LARGE1: variants seen among roughly 807,000 people sequenced by gnomAD.
LARGE1 encodes xylosyl- and glucuronyltransferase LARGE1.
A neutral mutation model predicts 87.6 loss-of-function variants in LARGE1; 43 were observed. That is an observed-to-expected ratio of 0.49 (90% CI 0.38 to 0.63). The LOEUF (loss-of-function observed/expected upper bound fraction) is 0.63. Ranked by LOEUF, LARGE1 falls within the 30% of genes least tolerant of loss-of-function variation. The probability of loss-of-function intolerance (pLI) is 0.00; values close to 1 mark genes in which losing one functional copy is unlikely to be tolerated. For missense variants in LARGE1, 802 were observed against 1,000.2 expected (o/e 0.80, Z 2.67); for synonymous variants, 434 against 394.6 (o/e 1.10, Z -1.18).
chr22:33,556,774 G>A (rs1218186768), intron 6 of LARGE1, among the ~76,000 whole-genome samples: 1 of 151,974 alleles, frequency 6.6e-6, no homozygotes, highest in Non-Finnish European at 1.5e-5. Context: ...TTGGGAGGCA[G>A]AGGTGGGCAG....
At chr22:33,704,538 C>T (rs240085) in intron 2 of LARGE1, among the ~76,000 whole-genome samples, 144,441 of 152,214 alleles carry the variant, frequency 0.95, 68,611 homozygotes, top group African/African-American at 0.99. Context: ...GGGAGCCTCT[C>T]GCAACTGAGC....
At position 33,444,630 on chromosome 22, in the gene LARGE1, G is replaced by T. The variant is rs570885854; in HGVS notation, c.788-12365C>A. ...AGAATGTGGATGAAATTCAAGCCAG[G>T]ACTTACTAAAAGGATAAAGGTATGC... On this transcript the variant is annotated intron_variant, in intron 6 of 14. Coordinates refer to ENST00000397394, the MANE Select transcript of LARGE1 (RefSeq NM_133642.5). Among the ~76,000 whole-genome samples, 16 of 152,274 alleles carry T rather than the reference G, an allele frequency of 1.1e-4. No homozygotes were observed. In the South Asian group the frequency reaches 2.7e-3, roughly 26 times the overall value.
chr22:33,866,401 A>C (rs1431869255), intron 1 of LARGE1, among the ~76,000 whole-genome samples: 1 of 152,170 alleles, frequency 6.6e-6, no homozygotes, highest in Non-Finnish European at 1.5e-5. Flanking sequence ...GCTACCTTTC[A>C]AGTACTCAGT....
the LARGE1 span, among the ~76,000 whole-genome samples, chr22:33,071,062 A>C: frequency 6.6e-6 from 1 of 152,244 alleles, no homozygotes; most frequent in Non-Finnish European, 1.5e-5. Context: ...AGAATGAGAA[A>C]GTAGTGAACG....
chr22:33,099,569 T>A, the LARGE1 span, among the ~76,000 whole-genome samples: 2 of 152,174 alleles, frequency 1.3e-5, no homozygotes, highest in African/African-American at 4.8e-5. Context: ...TAATTTAAAA[T>A]AAGAAGGTGG....
chr22:33,642,021 A>T (rs1456563161), intron 3 of LARGE1, among the ~76,000 whole-genome samples: 3 of 152,194 alleles, frequency 2.0e-5, no homozygotes, highest in South Asian at 2.1e-4. Context: ...AAATTCAGGA[A>T]ATACAGAGAA....
chr22:33,626,562 T>G (rs544304303), intron 3 of LARGE1, among the ~76,000 whole-genome samples: 2 of 152,188 alleles, frequency 1.3e-5, no homozygotes, highest in Admixed American at 1.3e-4. Flanking sequence ...CAATTACATT[T>G]TGGGGACAAG....
intron 11 of LARGE1, among the ~76,000 whole-genome samples, chr22:33,191,204 AGAGAGT>A (rs1179336377): frequency 2.6e-5 from 4 of 152,338 alleles, no homozygotes; most frequent in African/African-American, 4.8e-5. Context: ...TACATAAAAT[AGAGAGT>A]TAAAGATGAA....
intron 10 of LARGE1, among the ~76,000 whole-genome samples, chr22:33,325,058 G>A (rs545363347): frequency 9.8e-5 from 15 of 152,316 alleles, no homozygotes; most frequent in South Asian, 2.1e-4. Context: ...TATACAATGC[G>A]CGAACAGAGT....
At chr22:33,258,188 G>A (rs1262384688) in intron 11 of LARGE1, among the ~76,000 whole-genome samples, 5 of 152,112 alleles carry the variant, frequency 3.3e-5, no homozygotes, top group South Asian at 4.1e-4. Flanking sequence ...CCACCACCAC[G>A]CCCGGCTAAT....
intron 12 of LARGE1, among the ~76,000 whole-genome samples, chr22:33,296,725 C>A (rs368936222): frequency 2.6e-5 from 4 of 152,064 alleles, no homozygotes; most frequent in East Asian, 1.9e-4. Context: ...TGCACCACCA[C>A]GTCCAACTAA....
At chr22:33,908,902 A>G (rs2065538394) in intron 1 of LARGE1, among the ~76,000 whole-genome samples, 1 of 152,172 alleles carries the variant, frequency 6.6e-6, no homozygotes, top group Non-Finnish European at 1.5e-5. Flanking sequence ...TCCAGAACCC[A>G]GATGTCAGAG....
At chr22:33,233,578 T>C (rs1926114190) in intron 11 of LARGE1, among the ~76,000 whole-genome samples, 1 of 152,012 alleles carries the variant, frequency 6.6e-6, no homozygotes, top group Non-Finnish European at 1.5e-5. Flanking sequence ...TTTCCTGGGA[T>C]AGAGGTATGG....
chr22:33,684,710 C>T (rs1387303622), intron 2 of LARGE1, among the ~76,000 whole-genome samples: 1 of 152,126 alleles, frequency 6.6e-6, no homozygotes, highest in Non-Finnish European at 1.5e-5. Flanking sequence ...AGCTAAGAAG[C>T]TGAGAACTCA....
At position 33,292,674 on chromosome 22, in the gene LARGE1, A is replaced by G. The variant is rs115129603; in HGVS notation, c.1731-9326T>C. 1.3e-3 allele frequency among the ~76,000 whole-genome samples: 203 copies of G among 152,270 alleles called. 3 individuals carry two copies. Among genetic ancestry groups the G allele is most frequent in the African/African-American group, 4.7e-3 (195 of 41,548 alleles). On this transcript the variant is annotated intron_variant, in intron 12 of 14. Transcript: ENST00000397394. ...TGGGATTGGAGCCACAGAGTCTGAT[A>G]TTTCAAGAGGAGCCAACTGAAATTA...
chr22:33,278,284 CACCAGTG>C (rs1929722777), intron 13 of LARGE1, among the ~76,000 whole-genome samples: 1 of 152,112 alleles, frequency 6.6e-6, no homozygotes, highest in African/African-American at 2.4e-5. Flanking sequence ...TTCTGCTAAC[CACCAGTG>C]ATCTGGGAAG....
At chr22:33,720,445 T>C (rs780393976) in intron 2 of LARGE1, among the ~76,000 whole-genome samples, 14 of 152,174 alleles carry the variant, frequency 9.2e-5, no homozygotes, top group Non-Finnish European at 1.9e-4. Flanking sequence ...TACCAGGGGC[T>C]GAGGACCCCT....
the LARGE1 span, among the ~76,000 whole-genome samples, chr22:33,153,217 G>A: frequency 7.2e-5 from 11 of 152,050 alleles, no homozygotes; most frequent in Non-Finnish European, 1.6e-4. Context: ...TTTTAGGCAT[G>A]AAGTTTCATT....
intron 1 of LARGE1, among the ~76,000 whole-genome samples, chr22:33,791,653 TTC>T (rs1216892877): frequency 6.6e-6 from 1 of 152,180 alleles, no homozygotes; most frequent in Non-Finnish European, 1.5e-5. Flanking sequence ...ATGGATAAAT[TTC>T]TGTTGGAAAA....
Sources: gnomAD v4.1 joint callset for allele counts (sites outside exome capture counted in the v4.1 genomes callset) on GRCh38, gnomAD v4.1.1 for gene constraint, MANE v1.5 for transcripts, NCBI Gene and HGNC (gene_info 2026-07-23, HGNC 2026-07-21) for gene names.